The following ERC2 variants were observed in gnomAD, a reference collection of about 807,000 sequenced individuals.
ERC2 encodes ERC protein 2.
A neutral mutation model predicts 114.8 loss-of-function variants in ERC2; 42 were observed. The observed-to-expected ratio is 0.37, with a 90% CI of 0.29 to 0.47. The LOEUF (loss-of-function observed/expected upper bound fraction) is 0.47. Among genes scored for constraint, ERC2 ranks in the 20% least tolerant of loss-of-function variants. The probability of loss-of-function intolerance (pLI) is 0.99; values close to 1 mark genes in which losing one functional copy is unlikely to be tolerated. For missense variants in ERC2, 939 were observed against 1,150.7 expected (o/e 0.82, Z 2.66); for synonymous variants, 454 against 425.5 (o/e 1.07, Z -0.82).
chr3:56,443,874 A>G (rs578178223), intron 1 of ERC2, among the ~76,000 whole-genome samples: 1 of 151,800 alleles, frequency 6.6e-6, no homozygotes, highest in East Asian at 1.9e-4. Context: ...AGCAGTTAAG[A>G]TCTTACAGTT....
intron 3 of ERC2, among the ~76,000 whole-genome samples, chr3:56,253,847 C>T (rs1005855762): frequency 6.6e-6 from 1 of 152,264 alleles, no homozygotes; most frequent in East Asian, 1.9e-4. Flanking sequence ...GAATCTGCAA[C>T]GAGTTATAAT....
intron 17 of ERC2, among the ~76,000 whole-genome samples, chr3:55,681,539 T>C (rs1285929980): frequency 6.6e-6 from 1 of 152,094 alleles, no homozygotes; most frequent in Non-Finnish European, 1.5e-5. Flanking sequence ...AAACAGAAGG[T>C]TCCCCCAGTA....
At chr3:55,590,608 G>A (rs977269862) in intron 17 of ERC2, among the ~76,000 whole-genome samples, 2 of 152,212 alleles carry the variant, frequency 1.3e-5, no homozygotes, top group African/African-American at 2.4e-5. Flanking sequence ...ACTTGATACA[G>A]TATCAAGCCA....
chr3:55,789,319 G>C (rs1575603615), intron 14 of ERC2, among the ~76,000 whole-genome samples: 1 of 152,246 alleles, frequency 6.6e-6, no homozygotes, highest in African/African-American at 2.4e-5. Context: ...TAGGGAAGCT[G>C]AGAGTCTTCT....
At chr3:55,819,259 G>C (rs1408311687) in intron 14 of ERC2, among the ~76,000 whole-genome samples, 4 of 152,172 alleles carry the variant, frequency 2.6e-5, no homozygotes, top group Admixed American at 1.3e-4. Flanking sequence ...AAGATCCCTT[G>C]ACATGGCAAA....
chr3:56,013,968 G>T (rs1215026227), intron 8 of ERC2, among the ~76,000 whole-genome samples: 1 of 152,152 alleles, frequency 6.6e-6, no homozygotes, highest in East Asian at 1.9e-4. Context: ...CTAAGATAGA[G>T]AACCTTGCCA....
chr3:55,949,232 T>C (rs1289898445), intron 13 of ERC2, among the ~76,000 whole-genome samples: 1 of 152,032 alleles, frequency 6.6e-6, no homozygotes, highest in East Asian at 1.9e-4. Context: ...TAGCGGGGCA[T>C]GGTGGCGGGA....
At chr3:56,042,645 A>G (rs1048421326) in intron 7 of ERC2, among the ~76,000 whole-genome samples, 4 of 152,140 alleles carry the variant, frequency 2.6e-5, no homozygotes, top group African/African-American at 9.7e-5. Flanking sequence ...GTGCATAATC[A>G]ATGTTTAAAG....
chr3:55,526,496 A>G (rs1415808299), intron 17 of ERC2, among the ~76,000 whole-genome samples: 2 of 152,140 alleles, frequency 1.3e-5, no homozygotes, highest in African/African-American at 4.8e-5. Flanking sequence ...CTGGTTGAGC[A>G]ACTTGTGCTC....
chr3:55,808,309 G>T (rs1336081429), intron 14 of ERC2, among the ~76,000 whole-genome samples: 1 of 152,064 alleles, frequency 6.6e-6, no homozygotes, highest in Non-Finnish European at 1.5e-5. Flanking sequence ...AATTATTTCT[G>T]GTTTGCCTAT....
intron 7 of ERC2, among the ~76,000 whole-genome samples, chr3:56,059,559 G>T (rs1403591502): frequency 6.6e-6 from 1 of 152,166 alleles, no homozygotes; most frequent in Non-Finnish European, 1.5e-5. Flanking sequence ...TGGGCTCAAA[G>T]ATTCTTATTT....
At position 56,434,721 on chromosome 3, in the gene ERC2, G is replaced by C; in HGVS notation, c.287C>G (p.Thr96Arg). The C allele has an allele frequency of 6.2e-7, 1 of 1,614,014 alleles. No homozygotes were observed. The highest frequency in any genetic ancestry group is 2.2e-5 in the East Asian group (1 of 44,882). ...TNRAVYGGRV[T>R]AMGSSPNIAS... ...AATATTGGGACTACTCCCCATGGCT[G>C]TGACACGGCCTCCATATACAGCTCG... The change falls in exon 2 of 18, where the codon ACA becomes AGA. Residue 96 changes from threonine to arginine, a missense_variant. Transcript: ENST00000288221.
chr3:55,641,158 A>G (rs2060163757), intron 17 of ERC2, among the ~76,000 whole-genome samples: 1 of 152,308 alleles, frequency 6.6e-6, no homozygotes, highest in South Asian at 2.1e-4. Flanking sequence ...GGGAAAACAA[A>G]GCCAAAAGAT....
chr3:55,631,318 A>G (rs1167388489), intron 17 of ERC2, among the ~76,000 whole-genome samples: 1 of 152,212 alleles, frequency 6.6e-6, no homozygotes, highest in Non-Finnish European at 1.5e-5. Flanking sequence ...GAAAGGCTGA[A>G]AAAGAGCAAG....
intron 17 of ERC2, among the ~76,000 whole-genome samples, chr3:55,672,191 C>G (rs1559479586): frequency 2.0e-5 from 3 of 151,916 alleles, no homozygotes; most frequent in Non-Finnish European, 2.9e-5. Flanking sequence ...CACCCCTACA[C>G]AAATAGCCAA....
intron 1 of ERC2, among the ~76,000 whole-genome samples, chr3:56,451,958 T>A (rs867496528): frequency 3.3e-5 from 5 of 151,334 alleles, no homozygotes; most frequent in Non-Finnish European, 5.9e-5. Flanking sequence ...ATGGAGAGAG[T>A]CCTATGGAAA....
At chr3:55,790,011 C>T (rs2069859319) in intron 14 of ERC2, among the ~76,000 whole-genome samples, 2 of 152,212 alleles carry the variant, frequency 1.3e-5, no homozygotes, top group Non-Finnish European at 2.9e-5. Context: ...CTGTCTCCAA[C>T]TGTCAGTCCT....
chr3:55,802,338 T>C (rs949907910), intron 14 of ERC2, among the ~76,000 whole-genome samples: 9 of 152,244 alleles, frequency 5.9e-5, no homozygotes, highest in Non-Finnish European at 1.2e-4. Context: ...TAAATGAGGA[T>C]ATTATTTAGA....
At chr3:55,656,074 G>A (rs543811539) in intron 17 of ERC2, among the ~76,000 whole-genome samples, 41 of 151,686 alleles carry the variant, frequency 2.7e-4, no homozygotes, top group African/African-American at 9.4e-4. Flanking sequence ...CTCATCCAGG[G>A]CACAGGTATA....
Sources: allele counts gnomAD v4.1 joint callset (sites outside exome capture counted in the v4.1 genomes callset), GRCh38; gene constraint gnomAD v4.1.1; transcripts MANE v1.5; gene names NCBI Gene and HGNC (gene_info 2026-07-23, HGNC 2026-07-21).